DPP10: variants seen among roughly 807,000 people sequenced by gnomAD.
DPP10 encodes the protein inactive dipeptidyl peptidase 10.
A neutral mutation model predicts 120.9 loss-of-function variants in DPP10; 33 were observed. That is an observed-to-expected ratio of 0.27 (90% confidence interval 0.21 to 0.37). The LOEUF (loss-of-function observed/expected upper bound fraction) is 0.37. DPP10 is among the 10% of genes least tolerant of loss of function. DPP10 has a pLI of 1.00. For synonymous variants in DPP10, 337 were observed against 326.1 expected (o/e 1.03, Z -0.36); for missense variants, 816 against 942.8 (o/e 0.87, Z 1.76).
chr2:115,110,232 A>C (rs77613510), intron 1 of DPP10, among the ~76,000 whole-genome samples: 3 of 152,166 alleles, frequency 2.0e-5, no homozygotes, highest in Non-Finnish European at 2.9e-5. Context: ...GAAAGTCTAA[A>C]AATTCTGGGT....
chr2:115,640,941 G>T (rs889016079), intron 5 of DPP10, among the ~76,000 whole-genome samples: 1 of 152,124 alleles, frequency 6.6e-6, no homozygotes, highest in Non-Finnish European at 1.5e-5. Context: ...CTGTTCACCA[G>T]ATAACTATCA....
At chr2:115,775,515 A>G (rs868517034) in intron 13 of DPP10, among the ~76,000 whole-genome samples, 1 of 152,120 alleles carries the variant, frequency 6.6e-6, no homozygotes, top group Non-Finnish European at 1.5e-5. Flanking sequence ...GAAACAATCA[A>G]AATCCTCCAT....
At chr2:114,841,831 A>G (rs1688182766) in intron 1 of DPP10, among the ~76,000 whole-genome samples, 1 of 152,054 alleles carries the variant, frequency 6.6e-6, no homozygotes, top group Non-Finnish European at 1.5e-5. Context: ...TCCAAGACAA[A>G]GAAGAATTGG....
chr2:114,592,233 G>C (rs1302334437), intron 1 of DPP10, among the ~76,000 whole-genome samples: 1 of 152,148 alleles, frequency 6.6e-6, no homozygotes. Context: ...GCAGCAGAAA[G>C]TTTCTGGGAA....
chr2:114,745,013 G>A (rs1275064242), intron 1 of DPP10, among the ~76,000 whole-genome samples: 20 of 152,154 alleles, frequency 1.3e-4, no homozygotes. Context: ...GCCCATTTTG[G>A]CCTCCCAAAG....
chr2:114,498,875 T>C (rs909066391), intron 1 of DPP10, among the ~76,000 whole-genome samples: 3 of 152,148 alleles, frequency 2.0e-5, no homozygotes, highest in African/African-American at 7.2e-5. Context: ...CTATTCACAA[T>C]AGTCAAGACA....
intron 1 of DPP10, among the ~76,000 whole-genome samples, chr2:114,533,079 A>G (rs1009474029): frequency 6.6e-6 from 1 of 152,200 alleles, no homozygotes; most frequent in Non-Finnish European, 1.5e-5. Context: ...ATTGAGAATC[A>G]TGCTTACCAA....
chr2:114,453,334 A>G (rs1409408400), intron 1 of DPP10, among the ~76,000 whole-genome samples: 2 of 152,148 alleles, frequency 1.3e-5, no homozygotes, highest in African/African-American at 4.8e-5. Flanking sequence ...GCAGGTAGAA[A>G]GAAGTCTCGT....
intron 1 of DPP10, among the ~76,000 whole-genome samples, chr2:115,056,742 C>G (rs1705952292): frequency 6.6e-6 from 1 of 152,090 alleles, no homozygotes; most frequent in African/African-American, 2.4e-5. Flanking sequence ...AAAATGGAGG[C>G]AAAGGAGTGG....
At chr2:114,714,733 C>T (rs1701246719) in intron 1 of DPP10, among the ~76,000 whole-genome samples, 1 of 151,992 alleles carries the variant, frequency 6.6e-6, no homozygotes, top group African/African-American at 2.4e-5. Flanking sequence ...ATCTCCATTA[C>T]TTGACACAAT....
chr2:115,490,976 G>A (rs1259684413), intron 3 of DPP10, among the ~76,000 whole-genome samples: 2 of 152,052 alleles, frequency 1.3e-5, no homozygotes, highest in African/African-American at 2.4e-5. Context: ...AAACTAGCTG[G>A]GTGTGTTGAC....
intron 1 of DPP10, among the ~76,000 whole-genome samples, chr2:114,683,121 G>A (rs1290049776): frequency 4.6e-5 from 7 of 151,906 alleles, no homozygotes; most frequent in East Asian, 1.9e-4. Context: ...TCCTTGAATC[G>A]TCTTGGCCAT....
At chr2:114,736,501 T>C (rs1574071480) in intron 1 of DPP10, among the ~76,000 whole-genome samples, 1 of 152,194 alleles carries the variant, frequency 6.6e-6, no homozygotes. Context: ...GCAATAATTG[T>C]TTATTGTTTA....
intron 3 of DPP10, among the ~76,000 whole-genome samples, chr2:115,349,597 A>G (rs1005712093): frequency 7.2e-5 from 11 of 152,130 alleles, no homozygotes; most frequent in African/African-American, 2.4e-4. Context: ...GGGAGGTCTC[A>G]TTCTCATAAT....
intron 1 of DPP10, among the ~76,000 whole-genome samples, chr2:115,224,959 T>A (rs1340258290): frequency 6.6e-6 from 1 of 152,156 alleles, no homozygotes; most frequent in African/African-American, 2.4e-5. Flanking sequence ...TAAACCCATG[T>A]CACACAGTAC....
intron 1 of DPP10, chr2:115,297,301 T>C: frequency 2.5e-6 from 1 of 395,162 alleles, no homozygotes. Context: ...ATCATAAAAG[T>C]AATTATTAAT....
chr2:115,442,108 A>G (rs570319949), intron 3 of DPP10, among the ~76,000 whole-genome samples: 20 of 151,764 alleles, frequency 1.3e-4, no homozygotes, highest in African/African-American at 4.6e-4. Context: ...CACTGCATCC[A>G]GCTGACAAGT....
chr2:115,434,059 C>G (rs2071251281), intron 3 of DPP10, among the ~76,000 whole-genome samples: 1 of 151,806 alleles, frequency 6.6e-6, no homozygotes, highest in Admixed American at 6.6e-5. Flanking sequence ...GAGATAGGCT[C>G]AGGTAGTAAT....
intron 1 of DPP10, among the ~76,000 whole-genome samples, chr2:114,482,597 G>C (rs1681157340): frequency 6.6e-6 from 1 of 152,160 alleles, no homozygotes; most frequent in Non-Finnish European, 1.5e-5. Context: ...TATTTAAACA[G>C]AGGTAGACTG....
Sources: gnomAD v4.1 joint callset for allele counts (sites outside exome capture counted in the v4.1 genomes callset) on GRCh38, gnomAD v4.1.1 for gene constraint, MANE v1.5 for transcripts, NCBI Gene and HGNC (gene_info 2026-07-23, HGNC 2026-07-21) for gene names.